PARD3: variants seen among roughly 807,000 people sequenced by gnomAD.
The protein encoded by PARD3 is par-3 family cell polarity regulator.
A neutral mutation model predicts 155.4 loss-of-function variants in PARD3; 75 were observed. That is an observed-to-expected ratio of 0.48 (90% CI 0.40 to 0.58). The LOEUF (loss-of-function observed/expected upper bound fraction) is 0.58. PARD3 is among the 20% of genes least tolerant of loss of function. The probability of loss-of-function intolerance (pLI) is 0.00; values close to 1 mark genes in which losing one functional copy is unlikely to be tolerated. For synonymous variants in PARD3, 576 were observed against 610.5 expected, an observed-to-expected ratio of 0.94 and a Z score of 0.83; for missense variants, 1,642 against 1,721.7, an observed-to-expected ratio of 0.95 and a Z score of 0.82.
At chr10:34,803,408 C>T (rs557247816) in intron 1 of PARD3, among the ~76,000 whole-genome samples, 5 of 152,132 alleles carry the variant, frequency 3.3e-5, no homozygotes, top group Non-Finnish European at 5.9e-5. Context: ...ATACCCATCA[C>T]CAAACTTTCC....
intron 22 of PARD3, among the ~76,000 whole-genome samples, chr10:34,249,367 T>C (rs1429212889): frequency 2.0e-5 from 3 of 152,218 alleles, no homozygotes; most frequent in Non-Finnish European, 4.4e-5. Flanking sequence ...TAGGAATTTT[T>C]ACTCGGCATC....
intron 4 of PARD3, among the ~76,000 whole-genome samples, chr10:34,455,053 A>G (rs2077263520): frequency 6.6e-6 from 1 of 152,152 alleles, no homozygotes; most frequent in African/African-American, 2.4e-5. Flanking sequence ...AGAAACAGCT[A>G]TTTAGCTGAT....
At chr10:34,329,712 G>A (rs61842466) in intron 19 of PARD3, among the ~76,000 whole-genome samples, 2 of 151,942 alleles carry the variant, frequency 1.3e-5, no homozygotes, top group African/African-American at 4.8e-5. Context: ...AACTGGGCCT[G>A]GAAAGGCCCA....
At chr10:34,440,277 G>C (rs907831476) in intron 5 of PARD3, among the ~76,000 whole-genome samples, 1 of 152,142 alleles carries the variant, frequency 6.6e-6, no homozygotes, top group Non-Finnish European at 1.5e-5. Flanking sequence ...ATTTTTTAAA[G>C]AATAGCAGTT....
chr10:34,525,481 C>A (rs1421721905), intron 2 of PARD3, among the ~76,000 whole-genome samples: 1 of 152,198 alleles, frequency 6.6e-6, no homozygotes, highest in Non-Finnish European at 1.5e-5. Flanking sequence ...AGAGCAGTAC[C>A]TCACCTATGG....
intron 2 of PARD3, among the ~76,000 whole-genome samples, chr10:34,601,895 G>A (rs1010986993): frequency 6.6e-6 from 1 of 152,122 alleles, no homozygotes; most frequent in Admixed American, 6.5e-5. Context: ...CCAGAAGCGG[G>A]AAAAAATTGC....
chr10:34,413,297 G>A lies in PARD3; in HGVS notation c.715-11380C>T, dbSNP rs1447151293. Among the ~76,000 whole-genome samples, 6 of 152,048 alleles carry A rather than the reference G, an allele frequency of 3.9e-5. No individual in the cohort carries two copies. The East Asian group carries it at 1.2e-3, about 29-fold the overall frequency. On this transcript the variant is annotated intron_variant, in intron 5 of 24. Transcript: ENST00000374788. ...CATTAATACCTGACTCCAGAGCATG[G>A]ATGTGTTTAATTGTGTGTAGGAACA...
chr10:34,734,490 C>A (rs1236690054), intron 1 of PARD3, among the ~76,000 whole-genome samples: 1 of 152,050 alleles, frequency 6.6e-6, no homozygotes, highest in South Asian at 2.1e-4. Flanking sequence ...CGCCCGCCAC[C>A]ATGCCCGGCT....
intron 1 of PARD3, among the ~76,000 whole-genome samples, chr10:34,702,925 A>G (rs2094305394): frequency 6.6e-6 from 1 of 152,220 alleles, no homozygotes; most frequent in South Asian, 2.1e-4. Context: ...TGAAAGAACC[A>G]GAGACTGTAT....
intron 5 of PARD3, among the ~76,000 whole-genome samples, chr10:34,436,359 C>T (rs1260380578): frequency 1.3e-5 from 2 of 152,160 alleles, no homozygotes; most frequent in Non-Finnish European, 2.9e-5. Flanking sequence ...CCATCAACAG[C>T]CTTCTGCTTT....
In PARD3 at chr10:34,140,555, G is replaced by C. The variant is rs142128582; in HGVS notation, c.3420-8972C>G. Among the ~76,000 whole-genome samples, 956 of 152,296 alleles carry C rather than the reference G, an allele frequency of 6.3e-3. 9 individuals carry two copies. Among genetic ancestry groups the C allele is most frequent in the Non-Finnish European group, 6.9e-3 (472 of 68,018 alleles). On this transcript the variant is annotated intron_variant, in intron 22 of 24. Transcript: ENST00000374788. Reference sequence around the variant, plus strand: ...ATTAGTTAAGCATGAGGCCAAGCTGGCTAAAAAGACTGTGGCTATTCACTA... The same window carrying C: ...ATTAGTTAAGCATGAGGCCAAGCTGCCTAAAAAGACTGTGGCTATTCACTA...
chr10:34,149,125 A>G (rs894905231), intron 22 of PARD3, among the ~76,000 whole-genome samples: 2 of 152,176 alleles, frequency 1.3e-5, no homozygotes, highest in African/African-American at 4.8e-5. Flanking sequence ...GATGGTATGT[A>G]TTAAAATTAG....
intron 22 of PARD3, among the ~76,000 whole-genome samples, chr10:34,181,018 T>G (rs750506134): frequency 3.9e-5 from 6 of 152,190 alleles, no homozygotes; most frequent in Non-Finnish European, 7.3e-5. Flanking sequence ...CTGTGTGTCC[T>G]GAGGTGAGCT....
chr10:34,510,456 GTA>G (rs1214574458), intron 3 of PARD3, among the ~76,000 whole-genome samples: 14 of 152,134 alleles, frequency 9.2e-5, no homozygotes, highest in African/African-American at 2.4e-4. Context: ...TTACATATTT[GTA>G]TATTTGTGCT....
chr10:34,443,894 T>C (rs924828460), intron 5 of PARD3, among the ~76,000 whole-genome samples: 2 of 152,232 alleles, frequency 1.3e-5, no homozygotes, highest in Non-Finnish European at 2.9e-5. Context: ...CTCTGGCCTC[T>C]GAGACTTTGA....
At chr10:34,589,636 C>CAAAAAA (rs35357373) in intron 2 of PARD3, among the ~76,000 whole-genome samples, 1 of 84,300 alleles carries the variant, frequency 1.2e-5, no homozygotes, top group Admixed American at 1.4e-4. Flanking sequence ...AGTACATGTC[C>CAAAAAA]AAAAAAAAAA....
chr10:34,588,586 A>T (rs573674202), intron 2 of PARD3, among the ~76,000 whole-genome samples: 2 of 152,178 alleles, frequency 1.3e-5, no homozygotes, highest in African/African-American at 4.8e-5. Context: ...GCCTTTAAAA[A>T]TCCCTACCTG....
At chr10:34,283,086 G>GA (rs1956230521) in intron 21 of PARD3, among the ~76,000 whole-genome samples, 1 of 151,928 alleles carries the variant, frequency 6.6e-6, no homozygotes, top group Non-Finnish European at 1.5e-5. Flanking sequence ...AAGGATGAAT[G>GA]AAAAAATACC....
At chr10:34,345,910 G>C in intron 15 of PARD3, 1 of 984,890 alleles carries the variant, frequency 1.0e-6, no homozygotes, top group Non-Finnish European at 1.2e-6. Flanking sequence ...AACACAAGAT[G>C]AATCAAAATA....
Sources: gnomAD v4.1 joint callset for allele counts (sites outside exome capture counted in the v4.1 genomes callset) on GRCh38, gnomAD v4.1.1 for gene constraint, MANE v1.5 for transcripts, NCBI Gene and HGNC (gene_info 2026-07-23, HGNC 2026-07-21) for gene names.